PSD3: variants seen among roughly 807,000 people sequenced by gnomAD.
PSD3 encodes pleckstrin and Sec7 domain containing 3.
Under a neutral mutation model 105.5 loss-of-function variants are expected in PSD3, and 49 were observed. The observed-to-expected ratio is 0.46, with a 90% CI of 0.37 to 0.59. The LOEUF (loss-of-function observed/expected upper bound fraction) is 0.59, where lower values mean the gene tolerates loss of function less well. Ranked by LOEUF, PSD3 falls within the 20% of genes least tolerant of loss-of-function variation. PSD3 has a pLI of 0.00. For synonymous variants in PSD3, 557 were observed against 457.8 expected, an observed-to-expected ratio of 1.22 and a Z score of -2.77; for missense variants, 1,561 against 1,263.8, an observed-to-expected ratio of 1.24 and a Z score of -3.57.
intron 1 of PSD3, among the ~76,000 whole-genome samples, chr8:18,950,739 T>TTCACATATATATATTC (rs1443821059): frequency 1.3e-5 from 2 of 152,146 alleles, no homozygotes; most frequent in Non-Finnish European, 2.9e-5. Flanking sequence ...TATTTATATA[T>TTCACATATATATATTC]ACATAATATA....
At chr8:18,991,143 A>G (rs1825768423) in intron 1 of PSD3, among the ~76,000 whole-genome samples, 1 of 152,146 alleles carries the variant, frequency 6.6e-6, no homozygotes, top group Non-Finnish European at 1.5e-5. Flanking sequence ...TCTCTCCCTC[A>G]TCCCGCGTGG....
At chr8:18,572,853 G>A in intron 13 of PSD3, among the ~76,000 whole-genome samples, 181 bp from the exon 14 acceptor site, 1 of 152,158 alleles carries the variant, frequency 6.6e-6, no homozygotes, top group East Asian at 1.9e-4. Flanking sequence ...CACCAAAGAA[G>A]CTATGATCAT....
chr8:18,822,063 T>A (rs754541904), intron 4 of PSD3, among the ~76,000 whole-genome samples: 31 of 152,180 alleles, frequency 2.0e-4, no homozygotes, highest in African/African-American at 7.0e-4. Context: ...AGAAAAAAAA[T>A]TTTCTTTGTT....
At chr8:18,869,042 G>T (rs945363595) in intron 3 of PSD3, among the ~76,000 whole-genome samples, 5 of 152,050 alleles carry the variant, frequency 3.3e-5, no homozygotes, top group Non-Finnish European at 5.9e-5. Context: ...CATTGCAATT[G>T]GTTTGTTGTT....
chr8:18,776,394 T>C (rs1199774340), intron 8 of PSD3, among the ~76,000 whole-genome samples: 2 of 148,758 alleles, frequency 1.3e-5, no homozygotes, highest in Non-Finnish European at 3.0e-5. Flanking sequence ...TTTTTTTTTT[T>C]TGTTTTTGAG....
chr8:18,749,651 G>A (rs986100772), intron 9 of PSD3, among the ~76,000 whole-genome samples: 3 of 152,136 alleles, frequency 2.0e-5, no homozygotes, highest in African/African-American at 7.2e-5. Flanking sequence ...GGGAGAACAG[G>A]CACTCAGAAG....
At chr8:18,614,148 C>G (rs1400966839) in intron 11 of PSD3, among the ~76,000 whole-genome samples, 1 of 152,216 alleles carries the variant, frequency 6.6e-6, no homozygotes, top group Admixed American at 6.5e-5. Flanking sequence ...TAATCACTCT[C>G]TGCAACATAG....
intron 2 of PSD3, among the ~76,000 whole-genome samples, chr8:18,909,321 A>C (rs1820052370): frequency 6.6e-6 from 1 of 152,204 alleles, no homozygotes. Flanking sequence ...GTCTTACCAA[A>C]TGAACAAACT....
chr8:18,916,741 C>A (rs946341471), intron 2 of PSD3, among the ~76,000 whole-genome samples: 3 of 151,328 alleles, frequency 2.0e-5, no homozygotes, highest in African/African-American at 7.3e-5. Flanking sequence ...GTTCCCACCA[C>A]AAAAAAATAA....
chr8:18,961,808 C>A (rs921063015), intron 1 of PSD3, among the ~76,000 whole-genome samples: 1 of 151,864 alleles, frequency 6.6e-6, no homozygotes, highest in African/African-American at 2.4e-5. Context: ...TCAGATATAC[C>A]GCCTAACAAA....
intron 9 of PSD3, among the ~76,000 whole-genome samples, chr8:18,658,931 C>A (rs748801643): frequency 9.2e-5 from 14 of 152,166 alleles, no homozygotes; most frequent in Non-Finnish European, 1.8e-4. Context: ...ACATCCAAAA[C>A]AAGCAACACC....
intron 9 of PSD3, among the ~76,000 whole-genome samples, chr8:18,693,912 A>G (rs1017212687): frequency 6.6e-6 from 1 of 152,170 alleles, no homozygotes; most frequent in Non-Finnish European, 1.5e-5. Context: ...CTTATATTAG[A>G]TGGTGCAGGG....
chr8:18,623,898 T>C (rs1440327700), intron 11 of PSD3, among the ~76,000 whole-genome samples: 1 of 152,214 alleles, frequency 6.6e-6, no homozygotes, highest in Non-Finnish European at 1.5e-5. Flanking sequence ...AAATGTTATC[T>C]TACGTGCAGA....
In PSD3 at chr8:18,587,396, G is replaced by A. The variant is rs79020421; in HGVS notation, c.2482-12111C>T. 5.4e-3 allele frequency among the ~76,000 whole-genome samples: 809 copies of A among 148,798 alleles called. 11 individuals are homozygous for A. Among genetic ancestry groups the A allele is most frequent in the African/African-American group, 0.019 (761 of 40,834 alleles). On this transcript the variant is annotated intron_variant, in intron 12 of 15. Transcript: ENST00000327040. ...TTGTGATACCATCTCTTTAATTTTC[G>A]TGATACCTTCATCATTTGAAACATA...
At chr8:18,780,767 G>A (rs887985708) in intron 8 of PSD3, among the ~76,000 whole-genome samples, 1 of 152,128 alleles carries the variant, frequency 6.6e-6, no homozygotes, top group Non-Finnish European at 1.5e-5. Flanking sequence ...TGTTAGCCAG[G>A]ATGGTCTCAA....
intron 12 of PSD3, among the ~76,000 whole-genome samples, chr8:18,578,200 T>A (rs1802578000): frequency 6.6e-6 from 1 of 152,110 alleles, no homozygotes; most frequent in Non-Finnish European, 1.5e-5. Context: ...GATTTTTTGC[T>A]AGGCTATGCC....
rs1415289898 is a variant in PSD3 at position 18,623,448 on chromosome 8, C to CAAAAAA, written c.2410+9159_2410+9164dup. Among the ~76,000 whole-genome samples, 191 of 63,812 alleles carry CAAAAAA rather than the reference C, an allele frequency of 3.0e-3. 29 individuals carry two copies. The highest frequency in any genetic ancestry group is 0.024 in the Middle Eastern group (2 of 84). The allele number at this position is 63,812 out of a possible 152,430, so 41.9% of individuals were successfully genotyped here. ...GCAATATAGTCAGCCCCCGTCTCCC[C>CAAAAAA]AAAAAAAAAAAAAAAAAAAAAAGAA... On this transcript the variant is annotated intron_variant, in intron 11 of 15. Transcript: ENST00000327040.
At chr8:18,627,649 C>A (rs1806587320) in intron 11 of PSD3, among the ~76,000 whole-genome samples, 2 of 151,936 alleles carry the variant, frequency 1.3e-5, no homozygotes, top group African/African-American at 4.8e-5. Context: ...AGGGTAAAGG[C>A]AAGCGTCTAA....
intron 4 of PSD3, among the ~76,000 whole-genome samples, chr8:18,818,804 T>C (rs1812440626): frequency 6.6e-6 from 1 of 152,144 alleles, no homozygotes; most frequent in South Asian, 2.1e-4. Context: ...ACATTTATAA[T>C]CTTATATTAG....
Sources: gnomAD v4.1 joint callset for allele counts (sites outside exome capture counted in the v4.1 genomes callset) on GRCh38, gnomAD v4.1.1 for gene constraint, MANE v1.5 for transcripts, NCBI Gene and HGNC (gene_info 2026-07-23, HGNC 2026-07-21) for gene names.